Variants in SEMA3F observed in about 807,000 individuals in gnomAD.
The protein encoded by SEMA3F is semaphorin-3F.
A neutral mutation model predicts 98.5 loss-of-function variants in SEMA3F; 30 were observed. The ratio of observed to expected loss-of-function variants is 0.30; its 90% CI spans 0.23 to 0.41. The LOEUF is 0.41. Ranked by LOEUF, SEMA3F falls within the 10% of genes least tolerant of loss-of-function variation. The pLI, the probability that SEMA3F is intolerant of heterozygous loss-of-function variation, is 1.00. For missense variants in SEMA3F, 866 were observed against 1,119.3 expected, an observed-to-expected ratio of 0.77 and a Z score of 3.23; for synonymous variants, 380 against 444.8, an observed-to-expected ratio of 0.85 and a Z score of 1.83.
At chr3:50,186,139 T>C (rs1699201958) in intron 16 of SEMA3F, 93 bp downstream of exon 16, 4 of 1,473,286 alleles carry the variant, frequency 2.7e-6, no homozygotes, top group Admixed American at 1.9e-5. Context: ...CCGGGGTGCA[T>C]GTGATATTAC....
At position 50,173,789 on chromosome 3, in the gene SEMA3F, A is replaced by G. The variant is rs1216310127; in HGVS notation, c.113-4A>G. 1.2e-6 allele frequency: 2 copies of G among 1,613,640 alleles called. No homozygotes were observed. The highest frequency in any genetic ancestry group is 1.1e-5 in the South Asian group (1 of 91,070). The stretch of plus-strand genomic sequence containing the variant: ...CTAATTGGTGCCCTGCCCTCCACCC[A>G]CAGAGCTGAAGGCCACAGGCACCGC... On this transcript the variant is annotated splice_region_variant and splice_polypyrimidine_tract_variant and intron_variant, in intron 2 of 18. Transcript: ENST00000002829.
At chr3:50,175,065 C>T (rs757374780) in intron 5 of SEMA3F, 31 bp from the exon 6 acceptor site, 3 of 1,507,994 alleles carry the variant, frequency 2.0e-6, no homozygotes, top group African/African-American at 1.4e-5. Flanking sequence ...CTGCCACCCC[C>T]AGCTCTAACC....
chr3:50,171,411 G>A (rs1292504865), intron 2 of SEMA3F, among the ~76,000 whole-genome samples: 1 of 152,156 alleles, frequency 6.6e-6, no homozygotes, highest in East Asian at 1.9e-4. Flanking sequence ...TGGGGATTAT[G>A]GCTGATTGGG....
rs2109110987 is a variant in SEMA3F, at chr3:50,182,258, C to T, written c.644-26C>T. On this transcript the variant is annotated intron_variant, in intron 7 of 18. Transcript: ENST00000002829. This position sits in a 1 kb window ranked among gnomAD's most constrained non-coding sequence, Gnocchi z 4.5. ...CTGGCCCTAGCAAACAGCAGCCCCCCAACTGACCCACTGGCCTACCCACAG... is the reference window on the plus strand; with the variant it reads ...CTGGCCCTAGCAAACAGCAGCCCCCTAACTGACCCACTGGCCTACCCACAG... 1 of 1,613,978 alleles carries T rather than the reference C, an allele frequency of 6.2e-7. No homozygotes were observed.
chr3:50,188,045 C>A lies in SEMA3F; in HGVS notation c.2288C>A (p.Ala763Glu). ...VPPSPREAPG[A>E]PRSPEPQDQK... is the part of the protein sequence containing the mutation. The stretch of plus-strand genomic sequence containing the variant: ...CCCAGCCCCAGGGAGGCTCCAGGGG[C>A]ACCCCGGTCTCCTGAGCCCCAGGAC... Residue 763 changes from alanine to glutamate, a missense_variant, in exon 19 of 19, where the codon GCA becomes GAA. Ala to Glu is a moderately radical substitution (Grantham distance 107). This residue lies in a region of SEMA3F where 245 missense variants were observed against 260.5 expected (regional missense o/e 0.94). Coordinates refer to ENST00000002829, the MANE Select transcript of SEMA3F (RefSeq NM_004186.5). The surrounding 1 kb of genome is among the most constrained non-coding windows in gnomAD (Gnocchi z 4.5). 1 of 1,591,044 alleles carries A rather than the reference C, an allele frequency of 6.3e-7. No individual in the cohort carries two copies. The highest frequency in any genetic ancestry group is 8.6e-7 in the Non-Finnish European group (1 of 1,168,656).
chr3:50,177,287 C>G (rs1246490490), intron 7 of SEMA3F, among the ~76,000 whole-genome samples: 1 of 152,154 alleles, frequency 6.6e-6, no homozygotes, highest in African/African-American at 2.4e-5. Flanking sequence ...ATGGAGAGTT[C>G]CGGCCCTGTG....
intron 2 of SEMA3F, among the ~76,000 whole-genome samples, chr3:50,167,845 C>T (rs1161734354): frequency 2.6e-5 from 4 of 152,186 alleles, no homozygotes; most frequent in Non-Finnish European, 5.9e-5. Context: ...TCCCCTTGGC[C>T]TCTGGCCTTC....
At chr3:50,181,407 C>T (rs1387196992) in intron 7 of SEMA3F, among the ~76,000 whole-genome samples, 3 of 151,358 alleles carry the variant, frequency 2.0e-5, no homozygotes, top group Non-Finnish European at 2.9e-5. Flanking sequence ...CTACAACTTC[C>T]GCCTCCCAGG....
chr3:50,188,145 G>A lies in SEMA3F; in HGVS notation c.*30G>A, dbSNP rs747331182. On this transcript the variant is annotated 3_prime_UTR_variant, in exon 19 of 19. Coordinates refer to ENST00000002829, the MANE Select transcript of SEMA3F (RefSeq NM_004186.5). The surrounding 1 kb of genome is among the most constrained non-coding windows in gnomAD (Gnocchi z 4.5). Reference sequence around the variant, plus strand: ...AGCTGCCTGTGCCTGCCATGGGCCAGCCTAGCCCTTGTCCCTTTTAATATA... The same window carrying A: ...AGCTGCCTGTGCCTGCCATGGGCCAACCTAGCCCTTGTCCCTTTTAATATA... 6.6e-6 allele frequency: 9 copies of A among 1,359,924 alleles called. No individual in the cohort carries two copies. The South Asian group carries it at 8.9e-5, about 13-fold the overall frequency. The allele number at this position is 1,359,924 out of a possible 1,614,324, so 84.2% of individuals were successfully genotyped here.
chr3:50,187,245 G>A (rs938694530), intron 18 of SEMA3F, among the ~76,000 whole-genome samples: 4 of 152,040 alleles, frequency 2.6e-5, no homozygotes, highest in Admixed American at 6.6e-5. Context: ...TGGGCAACAT[G>A]GTGAAACCCT....
chr3:50,169,144 G>A (rs534723857), intron 2 of SEMA3F, among the ~76,000 whole-genome samples: 3 of 152,218 alleles, frequency 2.0e-5, no homozygotes, highest in Middle Eastern at 3.4e-3. Flanking sequence ...CTCACTGCAC[G>A]CAGACCTGAT....
In SEMA3F at chr3:50,182,178, A is replaced by T. The variant is rs1699037242; in HGVS notation, c.644-106A>T. Reference sequence around the variant, plus strand: ...TCCACTGGAGATAGGATCATGCCCCAGGGAGCCTGAGCGGGGAGATAAGGC... The same window carrying T: ...TCCACTGGAGATAGGATCATGCCCCTGGGAGCCTGAGCGGGGAGATAAGGC... On this transcript the variant is annotated intron_variant, in intron 7 of 18. Coordinates refer to ENST00000002829, the MANE Select transcript of SEMA3F (RefSeq NM_004186.5). This position sits in a 1 kb window ranked among gnomAD's most constrained non-coding sequence, Gnocchi z 4.5. 12 of 1,416,392 alleles carry T rather than the reference A, an allele frequency of 8.5e-6. No individual in the cohort carries two copies. The South Asian group carries it at 1.4e-4, about 17-fold the overall frequency. The allele number at this position is 1,416,392 out of a possible 1,614,324, so 87.7% of individuals were successfully genotyped here. A position where few individuals can be genotyped will look rare whatever the true frequency, so the allele number is the denominator to read the frequency against.
chr3:50,157,008 T>C (rs894544265), intron 1 of SEMA3F, among the ~76,000 whole-genome samples: 3 of 149,076 alleles, frequency 2.0e-5, no homozygotes, highest in African/African-American at 5.0e-5. Flanking sequence ...CTTGTTGAAG[T>C]GGGGGAGGGA....
intron 7 of SEMA3F, among the ~76,000 whole-genome samples, chr3:50,179,295 A>G (rs982974012): frequency 6.6e-6 from 1 of 150,822 alleles, no homozygotes; most frequent in Non-Finnish European, 1.5e-5. Context: ...CCTAGATGGC[A>G]TGTTCTTCCA....
chr3:50,182,538 G>T lies in SEMA3F; in HGVS notation c.764-106G>T. On this transcript the variant is annotated intron_variant, in intron 8 of 18. Transcript: ENST00000002829. This position sits in a 1 kb window ranked among gnomAD's most constrained non-coding sequence, Gnocchi z 4.5. ...CTGGGGCAGGGGTAGTTTCTTATCT[G>T]GAGAGGAGTTGGGGGTGTTCTTGCA... The T allele has an allele frequency of 6.4e-7, 1 of 1,574,246 alleles. No homozygotes were observed. Among genetic ancestry groups the T allele is most frequent in the South Asian group, 1.1e-5 (1 of 87,504 alleles).
chr3:50,186,186 G>A, intron 16 of SEMA3F, 95 bp from the exon 17 acceptor site: 1 of 1,478,640 alleles, frequency 6.8e-7, no homozygotes, highest in Non-Finnish European at 9.3e-7. Flanking sequence ...TCACTGCCCT[G>A]GGGAAAAAGG....
At chr3:50,159,499 C>T in intron 1 of SEMA3F, 76 bp from the exon 2 acceptor site, 1 of 613,580 alleles carries the variant, frequency 1.6e-6, no homozygotes, top group Non-Finnish European at 2.9e-6. Flanking sequence ...TACCCATCAA[C>T]CTCTTTGTTC....
intron 6 of SEMA3F, among the ~76,000 whole-genome samples, chr3:50,176,197 A>T (rs1407146833): frequency 2.0e-5 from 3 of 151,870 alleles, no homozygotes; most frequent in African/African-American, 7.3e-5. Context: ...GTGCTGAGGG[A>T]CAGGAGAAAG....
chr3:50,182,261 C>A lies in SEMA3F; in HGVS notation c.644-23C>A. Reference sequence around the variant, plus strand: ...GCCCTAGCAAACAGCAGCCCCCCAACTGACCCACTGGCCTACCCACAGATG... The same window carrying A: ...GCCCTAGCAAACAGCAGCCCCCCAAATGACCCACTGGCCTACCCACAGATG... On this transcript the variant is annotated intron_variant, in intron 7 of 18. Coordinates refer to ENST00000002829, the MANE Select transcript of SEMA3F (RefSeq NM_004186.5). The surrounding 1 kb of genome is among the most constrained non-coding windows in gnomAD (Gnocchi z 4.5). 6.2e-7 allele frequency: 1 copy of A among 1,614,050 alleles called. No homozygotes were observed. Among genetic ancestry groups the A allele is most frequent in the Non-Finnish European group, 8.5e-7 (1 of 1,180,026 alleles).
Sources: allele counts gnomAD v4.1 joint callset (sites outside exome capture counted in the v4.1 genomes callset), GRCh38; gene constraint gnomAD v4.1.1; regional missense constraint gnomAD v4.1.1; non-coding constraint Gnocchi (gnomAD v3.1); transcripts MANE v1.5; gene names NCBI Gene and HGNC (gene_info 2026-07-23, HGNC 2026-07-21).